ETV3: variants seen among roughly 807,000 people sequenced by gnomAD.
The protein encoded by ETV3 is ETS translocation variant 3.
ETV3 carries 8 observed loss-of-function variants against 33.0 expected under a neutral mutation model. The ratio of observed to expected loss-of-function variants is 0.24; its 90% confidence interval spans 0.14 to 0.44. The LOEUF (loss-of-function observed/expected upper bound fraction) is 0.44. ETV3 is among the 20% of genes least tolerant of loss of function. The pLI, the probability that ETV3 is intolerant of heterozygous loss-of-function variation, is 1.00. For synonymous variants in ETV3, 222 were observed against 238.9 expected (o/e 0.93, Z 0.65); for missense variants, 473 against 652.3 (o/e 0.73, Z 2.99).
At chr1:157,132,967 T>G (rs1442222108) in intron 4 of ETV3, among the ~76,000 whole-genome samples, 2 of 152,220 alleles carry the variant, frequency 1.3e-5, no homozygotes, top group East Asian at 3.8e-4. Flanking sequence ...TATTACTGCA[T>G]GATCAGCATT....
chr1:157,125,608 C>T lies in ETV3; in HGVS notation c.772G>A (p.Val258Ile). Residue 258 changes from valine (V) to isoleucine (I), a missense_variant, in exon 5 of 5, where the codon GTC becomes ATC. By Grantham distance (29) the Val-to-Ile change is conservative. Transcript: ENST00000368192. This position sits in a 1 kb window ranked among gnomAD's most constrained non-coding sequence, Gnocchi z 4.0. ...AVSPIPGRGGVLNVPISPALS... is the reference protein window; with the variant it reads ...AVSPIPGRGGILNVPISPALS... ...GCTGGTGAAATGGGGACATTAAGGA[C>T]ACCTCCGCGGCCAGGGATTGGAGAG... The T allele has an allele frequency of 6.4e-7, 1 of 1,551,708 alleles. No individual in the cohort carries two copies.
chr1:157,137,496 G>GAAGA (rs10655760), intron 1 of ETV3, among the ~76,000 whole-genome samples: 57,139 of 149,192 alleles, frequency 0.38, 12,003 homozygotes, highest in East Asian at 0.75. Flanking sequence ...AAAGGAAGGA[G>GAAGA]CAGACAAGGA....
At position 157,124,969 on chromosome 1, in the gene ETV3, G is replaced by A; in HGVS notation, c.1411C>T (p.Pro471Ser). Residue 471 changes from proline to serine, a missense_variant, in exon 5 of 5, where the codon CCC becomes TCC. Physicochemically the swap from Pro to Ser is moderately conservative, Grantham distance 74. Transcript: ENST00000368192. ...APEKKEDALM[P>S]PKLRLKRRWN... ...CGCCGCTTCAACCGAAGCTTGGGGG[G>A]CATCAGTGCATCTTCTTTCTTCTCA... The A allele has an allele frequency of 1.3e-6, 2 of 1,551,836 alleles. No individual in the cohort carries two copies. Among genetic ancestry groups the A allele is most frequent in the Non-Finnish European group, 1.7e-6 (2 of 1,147,030 alleles).
At chr1:157,132,042 G>A (rs537929671) in intron 4 of ETV3, among the ~76,000 whole-genome samples, 3 of 152,232 alleles carry the variant, frequency 2.0e-5, no homozygotes, top group East Asian at 1.9e-4. Context: ...AGCTCACTGC[G>A]ACCTCTGCCT....
chr1:157,134,298 C>T (rs932734801), intron 3 of ETV3, 71 bp from the exon 4 acceptor site: 1 of 1,544,984 alleles, frequency 6.5e-7, no homozygotes, highest in African/African-American at 1.4e-5. Context: ...TAGGTAGCCA[C>T]TGAGACCAAC....
At chr1:157,133,845 A>T in intron 4 of ETV3, 1 of 1,228,224 alleles carries the variant, frequency 8.1e-7, no homozygotes, top group South Asian at 2.6e-5. Flanking sequence ...CCCAAACAAG[A>T]TAGCGTAATA....
chr1:157,135,971 C>A (rs1308210969), intron 2 of ETV3, among the ~76,000 whole-genome samples: 2 of 152,196 alleles, frequency 1.3e-5, no homozygotes, highest in Admixed American at 6.5e-5. Flanking sequence ...TTACTAAATA[C>A]ACCTACTTTC....
chr1:157,136,330 A>G lies in ETV3; in HGVS notation c.23T>C (p.Val8Ala), dbSNP rs753632088. Residue 8 changes from valine (V) to alanine (A), a missense_variant, in exon 2 of 5, where the codon GTG (valine) becomes GCG (alanine). Around this residue, in one of 3 missense-constraint regions of ETV3, gnomAD observed 33 missense variants for 37.1 expected, o/e 0.89. Transcript: ENST00000368192. ...ACCTCCACCTCCTTCTGGCTTTTCC[A>G]CGATGCTACAGCCGGCTTTCATTTT... Reference protein sequence around the residue: MKAGCSIVEKPEGGGGYQ... With the variant: MKAGCSIAEKPEGGGGYQ... 2 of 1,611,546 alleles carry G rather than the reference A, an allele frequency of 1.2e-6. No homozygotes were observed. Among genetic ancestry groups the G allele is most frequent in the African/African-American group, 1.3e-5 (1 of 74,794 alleles).
chr1:157,127,867 A>C (rs1279805498), intron 4 of ETV3, among the ~76,000 whole-genome samples: 1 of 152,136 alleles, frequency 6.6e-6, no homozygotes, highest in Non-Finnish European at 1.5e-5. Context: ...AGTGGCTCAC[A>C]GTTCTCAACT....
chr1:157,134,872 G>A (rs1246529990), intron 3 of ETV3, among the ~76,000 whole-genome samples: 1 of 152,214 alleles, frequency 6.6e-6, no homozygotes, highest in Non-Finnish European at 1.5e-5. Context: ...TGCAGTAGCA[G>A]AGGTCATAAA....
In ETV3 at chr1:157,134,150, A is replaced by C. The variant is rs201364337; in HGVS notation, c.362T>G (p.Val121Gly). 38 of 1,614,008 alleles carry C rather than the reference A, an allele frequency of 2.4e-5. No individual in the cohort carries two copies. Among genetic ancestry groups the C allele is most frequent in the Non-Finnish European group, 3.1e-5 (36 of 1,180,008 alleles). ...GTTGATGAATGGGTAGTTGGGCATC[A>C]CCAGCTTGTTGAAGTTAAATTTATA... ...FTYKFNFNKLVMPNYPFINIR... is the reference protein window; with the variant it reads ...FTYKFNFNKLGMPNYPFINIR... Residue 121 changes from valine to glycine, a missense_variant, in exon 4 of 5, where the codon GTG becomes GGG. Val to Gly is a moderately radical substitution (Grantham distance 109, BLOSUM62 -3). Around this residue, in one of 3 missense-constraint regions of ETV3, gnomAD observed 410 missense variants for 520.2 expected, o/e 0.79. Transcript: ENST00000368192.
In ETV3 at chr1:157,121,666, T is replaced by C. The variant is rs1168378425; in HGVS notation, c.*3175A>G. 3 of 152,376 alleles carry C rather than the reference T, an allele frequency of 2.0e-5. No individual in the cohort carries two copies. The East Asian group carries it at 5.8e-4, about 29-fold the overall frequency. 9.4% of individuals were successfully genotyped at this position (152,376 alleles called of 1,614,324 possible). ...AAAATAAAAATGTACGTTCCATTAC[T>C]GTTTACAAAACAAAAAGCACAAACA... On this transcript the variant is annotated 3_prime_UTR_variant, in exon 5 of 5. Coordinates refer to ENST00000368192, the MANE Select transcript of ETV3 (RefSeq NM_001145312.3).
intron 4 of ETV3, among the ~76,000 whole-genome samples, chr1:157,127,750 T>C (rs1022229311): frequency 2.6e-5 from 4 of 152,114 alleles, no homozygotes; most frequent in East Asian, 1.9e-4. Context: ...TTTCACCATG[T>C]TGGCCAGGCT....
chr1:157,136,377 A>G lies in ETV3; in HGVS notation c.-13-12T>C, dbSNP rs771378636. ...TTTTCACCCGCCTGCTGAGAGACACAAGCCACACAATTACTTTAAGATGCT... is the reference window on the plus strand; with the variant it reads ...TTTTCACCCGCCTGCTGAGAGACACGAGCCACACAATTACTTTAAGATGCT... On this transcript the variant is annotated splice_polypyrimidine_tract_variant and intron_variant, in intron 1 of 4. Coordinates refer to ENST00000368192, the MANE Select transcript of ETV3 (RefSeq NM_001145312.3). The G allele has an allele frequency of 6.3e-7, 1 of 1,599,858 alleles. No homozygotes were observed. The highest frequency in any genetic ancestry group is 8.5e-7 in the Non-Finnish European group (1 of 1,174,704).
In ETV3 at chr1:157,122,691, C is replaced by T. The variant is rs1399193087; in HGVS notation, c.*2150G>A. On this transcript the variant is annotated 3_prime_UTR_variant, in exon 5 of 5. Transcript: ENST00000368192. ...CGGACAGTGGGTGGCCAGCCAGCCTCCCTGGTTAGATTGGGCAATGCCAAG... is the reference window on the plus strand; with the variant it reads ...CGGACAGTGGGTGGCCAGCCAGCCTTCCTGGTTAGATTGGGCAATGCCAAG... The T allele has an allele frequency of 2.0e-5, 3 of 152,176 alleles. No individual in the cohort carries two copies. The highest frequency in any genetic ancestry group is 4.4e-5 in the Non-Finnish European group (3 of 68,040). The allele number at this position is 152,176 out of a possible 1,614,324, so 9.4% of individuals were successfully genotyped here.
chr1:157,123,881 C>G lies in ETV3; in HGVS notation c.*960G>C, dbSNP rs963404631. The G allele has an allele frequency of 2.6e-5, 4 of 152,166 alleles. No homozygotes were observed. The highest frequency in any genetic ancestry group is 1.3e-4 in the Admixed American group (2 of 15,276). 9.4% of individuals were successfully genotyped at this position (152,166 alleles called of 1,614,324 possible). A position where few individuals can be genotyped will look rare whatever the true frequency, so the allele number is the denominator to read the frequency against. ...GACCTCTTCAATAATGTTGTCATGC[C>G]TCTCAGTGAACGTGCTCACAGTCAC... On this transcript the variant is annotated 3_prime_UTR_variant, in exon 5 of 5. Transcript: ENST00000368192.
intron 4 of ETV3, among the ~76,000 whole-genome samples, chr1:157,132,624 C>A (rs1184950430): frequency 1.3e-5 from 2 of 152,002 alleles, no homozygotes; most frequent in African/African-American, 4.8e-5. Flanking sequence ...AAGGAAGGGG[C>A]AAGAGTGAGA....
Position 157,122,667 on chromosome 1 carries a change from G to A in ETV3, c.*2174C>T, listed in dbSNP as rs1296062396. On this transcript the variant is annotated 3_prime_UTR_variant, in exon 5 of 5. Transcript: ENST00000368192. ...ACACCTGCTAGCTCTCCCCTCTAGCGGACAGTGGGTGGCCAGCCAGCCTCC... is the reference window on the plus strand; with the variant it reads ...ACACCTGCTAGCTCTCCCCTCTAGCAGACAGTGGGTGGCCAGCCAGCCTCC... 4.6e-5 allele frequency: 7 copies of A among 152,096 alleles called. No homozygotes were observed. The highest frequency in any genetic ancestry group is 8.8e-5 in the Non-Finnish European group (6 of 68,024). The allele number at this position is 152,096 out of a possible 1,614,324, so 9.4% of individuals were successfully genotyped here.
chr1:157,125,622 G>A lies in ETV3; in HGVS notation c.758C>T (p.Pro253Leu). 1 of 1,551,778 alleles carries A rather than the reference G, an allele frequency of 6.4e-7. No homozygotes were observed. The highest frequency in any genetic ancestry group is 8.7e-7 in the Non-Finnish European group (1 of 1,147,024). Residue 253 changes from proline to leucine, a missense_variant, in exon 5 of 5, where the codon CCT becomes CTT. Pro to Leu is a moderately conservative substitution (Grantham distance 98). Coordinates refer to ENST00000368192, the MANE Select transcript of ETV3 (RefSeq NM_001145312.3). This position sits in a 1 kb window ranked among gnomAD's most constrained non-coding sequence, Gnocchi z 4.0. ...GACATTAAGGACACCTCCGCGGCCA[G>A]GGATTGGAGAGACAGCGAAGGGACT... ...PHSPFAVSPI[P>L]GRGGVLNVPI... is the part of the protein sequence containing the mutation.
Sources: gnomAD v4.1 joint callset for allele counts (sites outside exome capture counted in the v4.1 genomes callset) on GRCh38, gnomAD v4.1.1 for gene constraint, gnomAD v4.1.1 regional missense constraint, Gnocchi (gnomAD v3.1) non-coding constraint, MANE v1.5 for transcripts, NCBI Gene and HGNC (gene_info 2026-07-23, HGNC 2026-07-21) for gene names.